The following ERC1 variants were observed in gnomAD, a reference collection of about 807,000 sequenced individuals.
The protein encoded by ERC1 is RAB6 interacting protein 2.
In ERC1, 56 loss-of-function variants were observed where a neutral mutation model predicts 132.0. The observed-to-expected ratio is 0.42, with a 90% confidence interval of 0.34 to 0.53. The LOEUF is 0.53. Ranked by LOEUF, ERC1 falls within the 20% of genes least tolerant of loss-of-function variation. The pLI, the probability that ERC1 is intolerant of heterozygous loss-of-function variation, is 0.03. For missense variants in ERC1, 1,202 were observed against 1,349.9 expected, an observed-to-expected ratio of 0.89 and a Z score of 1.72; for synonymous variants, 478 against 476.1, an observed-to-expected ratio of 1.00 and a Z score of -0.05.
chr12:1,148,408 T>G (rs938472438), intron 8 of ERC1, among the ~76,000 whole-genome samples: 2 of 151,980 alleles, frequency 1.3e-5, no homozygotes, highest in African/African-American at 2.4e-5. Flanking sequence ...ATGCAAATCT[T>G]GTATATTTTT....
chr12:1,425,073 G>A (rs1036496738), intron 17 of ERC1, among the ~76,000 whole-genome samples: 1 of 152,068 alleles, frequency 6.6e-6, no homozygotes, highest in Non-Finnish European at 1.5e-5. Flanking sequence ...TTTTTTGTGG[G>A]GAGTAGGGGT....
chr12:1,167,420 G>T (rs1952533603), intron 8 of ERC1, among the ~76,000 whole-genome samples: 1 of 152,210 alleles, frequency 6.6e-6, no homozygotes, highest in Non-Finnish European at 1.5e-5. Flanking sequence ...TTGAGAAATT[G>T]AAGTAACTAA....
At chr12:1,022,255 T>A (rs561419108) in intron 1 of ERC1, among the ~76,000 whole-genome samples, 1 of 152,190 alleles carries the variant, frequency 6.6e-6, no homozygotes, top group African/African-American at 2.4e-5. Flanking sequence ...TATGCACATG[T>A]GCATGCATAT....
chr12:1,132,648 T>A (rs6489259), intron 7 of ERC1, among the ~76,000 whole-genome samples: 142,006 of 152,192 alleles, frequency 0.93, 67,021 homozygotes, highest in East Asian at 1. Flanking sequence ...GCCATCAGAA[T>A]GAAAAACACT....
intron 18 of ERC1, among the ~76,000 whole-genome samples, chr12:1,451,380 A>G (rs2093421971): frequency 6.6e-6 from 1 of 152,176 alleles, no homozygotes; most frequent in Admixed American, 6.5e-5. Flanking sequence ...TTGGAGGCCA[A>G]AGCAGGAGGA....
At chr12:1,143,212 T>A (rs1346145873) in intron 8 of ERC1, among the ~76,000 whole-genome samples, 1 of 152,026 alleles carries the variant, frequency 6.6e-6, no homozygotes, top group East Asian at 1.9e-4. Context: ...CCACCTTTTT[T>A]AAAAAATAAA....
chr12:1,107,606 A>G (rs1264908314), intron 4 of ERC1, among the ~76,000 whole-genome samples: 1 of 152,196 alleles, frequency 6.6e-6, no homozygotes, highest in East Asian at 1.9e-4. Context: ...AGGGCGTCAA[A>G]GAATTCTGAC....
intron 1 of ERC1, among the ~76,000 whole-genome samples, chr12:999,816 A>G (rs1489466777): frequency 1.3e-5 from 2 of 152,072 alleles, no homozygotes; most frequent in Non-Finnish European, 2.9e-5. Flanking sequence ...GCTGGTCTCA[A>G]ACTCCTGACC....
intron 8 of ERC1, among the ~76,000 whole-genome samples, chr12:1,172,575 T>G (rs563191432): frequency 2.0e-5 from 3 of 152,340 alleles, no homozygotes. Context: ...ACCCCCCTTC[T>G]ATTATCATTG....
chr12:1,046,993 A>T (rs1971177773), intron 2 of ERC1, among the ~76,000 whole-genome samples: 1 of 152,234 alleles, frequency 6.6e-6, no homozygotes, highest in Non-Finnish European at 1.5e-5. Flanking sequence ...GTTATCACTG[A>T]GTAGTTGAAT....
rs773020201 is a variant in ERC1 at position 1,444,565 on chromosome 12, A to G, written c.3028A>G (p.Ile1010Val). 6 of 1,605,384 alleles carry G rather than the reference A, an allele frequency of 3.7e-6. No homozygotes were observed. The highest frequency in any genetic ancestry group is 3.3e-5 in the South Asian group (3 of 89,836). The change falls in exon 18 of 19, where the codon ATC (isoleucine) becomes GTC (valine). Residue 1010 changes from isoleucine to valine, a missense_variant. Physicochemically the swap from Ile to Val is conservative, Grantham distance 29. Coordinates refer to ENST00000360905, the MANE Select transcript of ERC1 (RefSeq NM_178040.4). ...TTATTTTATTTTTTTGCCTTAGATC[A>G]TCCAGCCCCTCTTAGAACTTGACCA... ...TNHKPSPDQI[I>V]QPLLELDQNR...
chr12:1,435,047 C>A (rs562082511), intron 17 of ERC1, among the ~76,000 whole-genome samples: 1 of 152,250 alleles, frequency 6.6e-6, no homozygotes, highest in African/African-American at 2.4e-5. Context: ...TTTCCCAAAT[C>A]TTTTTTTCCA....
intron 16 of ERC1, among the ~76,000 whole-genome samples, chr12:1,388,616 G>A (rs1313902756): frequency 6.6e-6 from 1 of 152,130 alleles, no homozygotes; most frequent in Non-Finnish European, 1.5e-5. Flanking sequence ...GCCATGGAGA[G>A]GCTTTTAGTC....
chr12:1,335,288 G>A (rs1308320019), intron 15 of ERC1, among the ~76,000 whole-genome samples: 1 of 152,082 alleles, frequency 6.6e-6, no homozygotes, highest in Non-Finnish European at 1.5e-5. Flanking sequence ...GTGAGAGAGG[G>A]CATCCTTGTC....
intron 18 of ERC1, among the ~76,000 whole-genome samples, chr12:1,489,543 A>G (rs1419494194): frequency 6.6e-6 from 1 of 152,252 alleles, no homozygotes; most frequent in Non-Finnish European, 1.5e-5. Flanking sequence ...GGAATGTGAA[A>G]GAGGCTGTTA....
chr12:1,323,364 T>C (rs1186617740), intron 15 of ERC1, among the ~76,000 whole-genome samples: 2 of 152,216 alleles, frequency 1.3e-5, no homozygotes, highest in African/African-American at 4.8e-5. Flanking sequence ...TGTAAGATAT[T>C]AGTTAACATG....
At chr12:1,316,617 G>T (rs952609458) in intron 15 of ERC1, among the ~76,000 whole-genome samples, 1 of 152,138 alleles carries the variant, frequency 6.6e-6, no homozygotes, top group Non-Finnish European at 1.5e-5. Context: ...AAATAGGAAC[G>T]CTTTTATACT....
chr12:1,056,094 G>A (rs201297749), intron 2 of ERC1, among the ~76,000 whole-genome samples: 8,032 of 148,194 alleles, frequency 0.054, 362 homozygotes, highest in Admixed American at 0.15. Context: ...TAAAAAAAAG[G>A]TGAATGTCAG....
At chr12:1,247,069 CAGTG>C (rs1166941504) in intron 13 of ERC1, among the ~76,000 whole-genome samples, 39 of 142,974 alleles carry the variant, frequency 2.7e-4, no homozygotes, top group African/African-American at 1.0e-3. Flanking sequence ...TTTGAGGTTG[CAGTG>C]AGCCCAGGAG....
Sources: allele counts gnomAD v4.1 joint callset (sites outside exome capture counted in the v4.1 genomes callset), GRCh38; gene constraint gnomAD v4.1.1; transcripts MANE v1.5; gene names NCBI Gene and HGNC (gene_info 2026-07-23, HGNC 2026-07-21).